The following WWOX variants were observed in gnomAD, a reference collection of about 807,000 sequenced individuals.
The protein encoded by WWOX is WW domain-containing oxidoreductase.
WWOX carries 69 observed loss-of-function variants against 46.2 expected under a neutral mutation model. The observed-to-expected ratio is 1.49, with a 90% CI of 1.23 to 1.82. WWOX has a LOEUF of 1.82. Ranked by LOEUF, WWOX falls within the 40% of genes most tolerant of loss-of-function variation. The pLI is 0.00. For synonymous variants in WWOX, 359 were observed against 202.6 expected (o/e 1.77, Z -6.56); for missense variants, 919 against 542.6 (o/e 1.69, Z -6.89).
chr16:78,613,890 C>T (rs2045957705), intron 8 of WWOX, among the ~76,000 whole-genome samples: 1 of 152,184 alleles, frequency 6.6e-6, no homozygotes, highest in Non-Finnish European at 1.5e-5. Flanking sequence ...AGCCCATAGG[C>T]CAAATCTGGC....
rs373446054 is a variant in WWOX at position 78,677,423 on chromosome 16, C to T, written c.1056+244671C>T. 1.1e-3 allele frequency among the ~76,000 whole-genome samples: 168 copies of T among 152,304 alleles called. 1 individual carries two copies. Among genetic ancestry groups the T allele is most frequent in the East Asian group, 3.1e-3 (16 of 5,188 alleles). On this transcript the variant is annotated intron_variant, in intron 8 of 8. Coordinates refer to ENST00000566780, the MANE Select transcript of WWOX (RefSeq NM_016373.4). ...TTGAAAACTTGCAATGGCTTGCCAA[C>T]GTTTTCAAGTTGAGAAGTTTCACAA...
rs142860906 is a variant in WWOX, at chr16:78,510,995, C to G, written c.1056+78243C>G. Among the ~76,000 whole-genome samples the G allele has an allele frequency of 5.0e-3, 757 of 152,338 alleles. 7 individuals carry two copies. The highest frequency in any genetic ancestry group is 0.018 in the African/African-American group (730 of 41,568). On this transcript the variant is annotated intron_variant, in intron 8 of 8. Coordinates refer to ENST00000566780, the MANE Select transcript of WWOX (RefSeq NM_016373.4). ...GGAGCAAGATGACATGTGCCTACCC[C>G]ACGTGTCCAGCAGCAAAGCCACCTG...
intron 8 of WWOX, among the ~76,000 whole-genome samples, chr16:78,911,883 G>A (rs1277754880): frequency 3.3e-5 from 5 of 151,910 alleles, no homozygotes; most frequent in African/African-American, 1.2e-4. Context: ...AAAACTCAAC[G>A]AAACACCCCA....
chr16:78,470,921 C>T (rs2084205757), intron 8 of WWOX, among the ~76,000 whole-genome samples: 2 of 152,224 alleles, frequency 1.3e-5, no homozygotes, highest in Admixed American at 1.3e-4. Flanking sequence ...GCCTACTTCA[C>T]AGCCTTCCTA....
intron 8 of WWOX, among the ~76,000 whole-genome samples, chr16:79,193,881 C>T (rs761836668): frequency 6.6e-6 from 1 of 152,186 alleles, no homozygotes; most frequent in Admixed American, 6.5e-5. Flanking sequence ...CCTACAGAAG[C>T]AACTAGCTCC....
chr16:78,644,809 T>A (rs190415541), intron 8 of WWOX, among the ~76,000 whole-genome samples: 3 of 152,190 alleles, frequency 2.0e-5, no homozygotes, highest in African/African-American at 7.2e-5. Context: ...GTGACTATTA[T>A]GAGTCAGGCT....
At chr16:78,427,340 G>T (rs532569973) in intron 7 of WWOX, among the ~76,000 whole-genome samples, 1 of 152,318 alleles carries the variant, frequency 6.6e-6, no homozygotes, top group African/African-American at 2.4e-5. Flanking sequence ...CTGAGCAACT[G>T]AATTGAGTTT....
chr16:78,356,664 C>G (rs367964584), intron 5 of WWOX, among the ~76,000 whole-genome samples: 2 of 152,116 alleles, frequency 1.3e-5, no homozygotes, highest in Admixed American at 1.3e-4. Flanking sequence ...GAGTGGATCA[C>G]GAGGTCAGCA....
At position 78,325,888 on chromosome 16, in the gene WWOX, T is replaced by G. The variant is rs115354232; in HGVS notation, c.517-60972T>G. On this transcript the variant is annotated intron_variant, in intron 5 of 8. Coordinates refer to ENST00000566780, the MANE Select transcript of WWOX (RefSeq NM_016373.4). Reference sequence around the variant, plus strand: ...CAACAATGATGATGATTTTAAGAGTTAATCAAATTAAAGGCTATGAAATGA... The same window carrying G: ...CAACAATGATGATGATTTTAAGAGTGAATCAAATTAAAGGCTATGAAATGA... Among the ~76,000 whole-genome samples, 879 of 152,354 alleles carry G rather than the reference T, an allele frequency of 5.8e-3. 8 individuals carry two copies. Among genetic ancestry groups the G allele is most frequent in the African/African-American group, 0.02 (838 of 41,586 alleles).
chr16:79,027,265 G>GA lies in WWOX; in HGVS notation c.1057-184340dup, dbSNP rs1175844707. On this transcript the variant is annotated intron_variant, in intron 8 of 8. Transcript: ENST00000566780. ...ACTGCACTTCAGCCTGGGTGACAGA[G>GA]AAAGACTCCATCTCAAAAAAAAAAA... is the stretch of plus-strand genomic sequence containing the variant. Among the ~76,000 whole-genome samples the GA allele has an allele frequency of 9.8e-5, 11 of 112,304 alleles. No homozygotes were observed. In the Admixed American group the frequency reaches 1.0e-3, roughly 10 times the overall value. The allele number at this position is 112,304 out of a possible 152,430, so 73.7% of individuals were successfully genotyped here.
chr16:79,019,519 G>A (rs1257654452), intron 8 of WWOX, among the ~76,000 whole-genome samples: 2 of 152,068 alleles, frequency 1.3e-5, no homozygotes, highest in Admixed American at 1.3e-4. Context: ...CATATATGCA[G>A]TCTGTCATTG....
intron 8 of WWOX, among the ~76,000 whole-genome samples, chr16:79,065,432 C>A (rs2048423773): frequency 6.6e-6 from 1 of 152,152 alleles, no homozygotes; most frequent in Admixed American, 6.5e-5. Context: ...GGGATGAAAT[C>A]ATTGAAGTGT....
intron 8 of WWOX, among the ~76,000 whole-genome samples, chr16:79,150,189 G>A (rs1013567240): frequency 6.6e-6 from 1 of 152,186 alleles, no homozygotes; most frequent in African/African-American, 2.4e-5. Context: ...CTTCTTGTTA[G>A]AGGTAGAAGA....
chr16:78,752,324 G>C (rs752216340), intron 8 of WWOX, among the ~76,000 whole-genome samples: 8 of 152,340 alleles, frequency 5.3e-5, no homozygotes, highest in Non-Finnish European at 1.0e-4. Context: ...CTCACACTCT[G>C]TTGCCCAGGC....
At chr16:78,824,642 A>G (rs1322839664) in intron 8 of WWOX, among the ~76,000 whole-genome samples, 3 of 152,204 alleles carry the variant, frequency 2.0e-5, no homozygotes, top group Non-Finnish European at 4.4e-5. Flanking sequence ...GGCAGCGGCA[A>G]GAGAAAATGA....
chr16:78,291,648 A>C (rs12929418), intron 5 of WWOX, among the ~76,000 whole-genome samples: 9,151 of 152,216 alleles, frequency 0.06, 462 homozygotes, highest in East Asian at 0.19. Flanking sequence ...CTGTGGGCTA[A>C]CGTTTCTTGG....
chr16:78,409,019 T>C (rs113274681), intron 6 of WWOX, among the ~76,000 whole-genome samples: 8 of 152,330 alleles, frequency 5.3e-5, no homozygotes, highest in African/African-American at 1.4e-4. Context: ...TCTGATTTCT[T>C]AATGCCACGT....
At chr16:78,100,142 C>T (rs1826523861) in intron 1 of WWOX, 5 of 1,321,460 alleles carry the variant, frequency 3.8e-6, no homozygotes, top group Non-Finnish European at 4.8e-6. Flanking sequence ...CTGCGCGGCG[C>T]GGCGAGGGCA....
At chr16:79,035,487 T>G (rs1259582900) in intron 8 of WWOX, among the ~76,000 whole-genome samples, 1 of 152,152 alleles carries the variant, frequency 6.6e-6, no homozygotes, top group Non-Finnish European at 1.5e-5. Flanking sequence ...TCCTTTAATA[T>G]TTTATGATTA....
Sources: gnomAD v4.1 joint callset for allele counts (sites outside exome capture counted in the v4.1 genomes callset) on GRCh38, gnomAD v4.1.1 for gene constraint, MANE v1.5 for transcripts, NCBI Gene and HGNC (gene_info 2026-07-23, HGNC 2026-07-21) for gene names.